Variants in GPATCH2 observed in about 807,000 individuals in gnomAD.
GPATCH2 encodes the protein G patch domain-containing protein 2.
Under a neutral mutation model 58.0 loss-of-function variants are expected in GPATCH2, and 51 were observed. The ratio of observed to expected loss-of-function variants is 0.88; its 90% confidence interval spans 0.70 to 1.11. GPATCH2 has a LOEUF of 1.11. Among genes scored for constraint, GPATCH2 ranks in the 50% most tolerant of loss-of-function variants. GPATCH2 has a pLI of 0.00. For missense variants in GPATCH2, 625 were observed against 652.2 expected (o/e 0.96, Z 0.45); for synonymous variants, 222 against 218.5 (o/e 1.02, Z -0.14).
intron 8 of GPATCH2, among the ~76,000 whole-genome samples, chr1:217,450,610 T>A (rs1435323287): frequency 6.6e-6 from 1 of 152,160 alleles, no homozygotes; most frequent in African/African-American, 2.4e-5. Context: ...AGTTTTCTTT[T>A]ACCTTTTTAT....
chr1:217,597,405 G>A (rs999475827), intron 5 of GPATCH2, among the ~76,000 whole-genome samples: 3 of 151,398 alleles, frequency 2.0e-5, no homozygotes, highest in South Asian at 2.1e-4. Flanking sequence ...GAGGCTGACC[G>A]CCCAGCTTCT....
intron 5 of GPATCH2, among the ~76,000 whole-genome samples, chr1:217,537,516 T>A (rs1287457482): frequency 6.6e-6 from 1 of 152,172 alleles, no homozygotes; most frequent in Non-Finnish European, 1.5e-5. Context: ...TCTAAAACCC[T>A]GTCTCTCCTA....
chr1:217,551,308 C>T (rs992060481), intron 5 of GPATCH2, among the ~76,000 whole-genome samples: 1 of 152,066 alleles, frequency 6.6e-6, no homozygotes, highest in African/African-American at 2.4e-5. Flanking sequence ...AATTCATTCT[C>T]ATTGTCATTT....
chr1:217,625,653 G>T (rs1050236870), intron 1 of GPATCH2, among the ~76,000 whole-genome samples: 1 of 152,178 alleles, frequency 6.6e-6, no homozygotes, highest in African/African-American at 2.4e-5. Flanking sequence ...AAGAGGATAT[G>T]CATGTGTGTC....
In GPATCH2 at chr1:217,567,891, C is replaced by T. The variant is rs1024083309; in HGVS notation, c.1098+42430G>A. On this transcript the variant is annotated intron_variant, in intron 5 of 9. Transcript: ENST00000366935. ...CAGCAATTTGGGAGGCCAAGGTGGG[C>T]GGATCACAAGGTCAGGAGATCGAGA... Among the ~76,000 whole-genome samples, 64 of 152,042 alleles carry T rather than the reference C, an allele frequency of 4.2e-4. 1 individual carries two copies. Among genetic ancestry groups the T allele is most frequent in the Admixed American group, 3.1e-3 (47 of 15,266 alleles).
At chr1:217,515,223 G>A (rs1387089021) in intron 5 of GPATCH2, among the ~76,000 whole-genome samples, 2 of 151,692 alleles carry the variant, frequency 1.3e-5, no homozygotes, top group African/African-American at 4.8e-5. Context: ...AGCCTCCCCA[G>A]TAGCTGGGAC....
chr1:217,598,822 A>T (rs1471319705), intron 5 of GPATCH2, among the ~76,000 whole-genome samples: 1 of 152,202 alleles, frequency 6.6e-6, no homozygotes, highest in African/African-American at 2.4e-5. Context: ...GAGCTACTGT[A>T]TGTGCTAACA....
At chr1:217,586,856 G>T (rs772121106) in intron 5 of GPATCH2, among the ~76,000 whole-genome samples, 1 of 152,130 alleles carries the variant, frequency 6.6e-6, no homozygotes, top group South Asian at 2.1e-4. Flanking sequence ...CACCATTGTA[G>T]AAACAGTTCA....
At chr1:217,618,707 TC>T (rs370503818) in intron 2 of GPATCH2, among the ~76,000 whole-genome samples, 72 of 152,092 alleles carry the variant, frequency 4.7e-4, no homozygotes, top group African/African-American at 1.7e-3. Context: ...ATTAAAATGA[TC>T]CCAGCCCTTG....
At chr1:217,557,320 C>T (rs942724757) in intron 5 of GPATCH2, among the ~76,000 whole-genome samples, 3 of 149,524 alleles carry the variant, frequency 2.0e-5, no homozygotes, top group African/African-American at 7.4e-5. Context: ...GGCAGGAATA[C>T]TGCTTAAACC....
At chr1:217,573,737 A>C (rs541309328) in intron 5 of GPATCH2, among the ~76,000 whole-genome samples, 2 of 152,314 alleles carry the variant, frequency 1.3e-5, no homozygotes, top group East Asian at 3.9e-4. Flanking sequence ...GTGACTGCTT[A>C]TGTTTTGAAC....
intron 5 of GPATCH2, among the ~76,000 whole-genome samples, chr1:217,580,549 C>T (rs1260157628): frequency 6.6e-6 from 1 of 152,138 alleles, no homozygotes; most frequent in Non-Finnish European, 1.5e-5. Context: ...GAGAACTGCT[C>T]ACCTCCTACT....
chr1:217,451,837 A>C (rs1283475930), intron 8 of GPATCH2, among the ~76,000 whole-genome samples: 4 of 152,196 alleles, frequency 2.6e-5, no homozygotes, highest in Non-Finnish European at 5.9e-5. Context: ...CAACTCATGA[A>C]CTAGCTACTT....
At chr1:217,542,307 C>T (rs1017019636) in intron 5 of GPATCH2, among the ~76,000 whole-genome samples, 8 of 152,154 alleles carry the variant, frequency 5.3e-5, no homozygotes, top group East Asian at 3.9e-4. Context: ...CGGTAGGAGA[C>T]GCAGTGACAC....
chr1:217,589,615 TA>T (rs150671303), intron 5 of GPATCH2, among the ~76,000 whole-genome samples: 2,836 of 152,324 alleles, frequency 0.019, 72 homozygotes, highest in East Asian at 0.1. Context: ...ATCTAGGTTT[TA>T]AAAATGGCTC....
At chr1:217,479,824 CT>C (rs1235911789) in intron 8 of GPATCH2, among the ~76,000 whole-genome samples, 2 of 151,972 alleles carry the variant, frequency 1.3e-5, no homozygotes, top group Non-Finnish European at 2.9e-5. Context: ...GAAAAAGATA[CT>C]CCATGCCAAT....
At chr1:217,439,159 A>G (rs756687445) in intron 9 of GPATCH2, among the ~76,000 whole-genome samples, 2 of 151,996 alleles carry the variant, frequency 1.3e-5, no homozygotes, top group Non-Finnish European at 2.9e-5. Context: ...AACGGAAATC[A>G]TAACAGTCTC....
At chr1:217,594,782 A>G (rs1163672273) in intron 5 of GPATCH2, among the ~76,000 whole-genome samples, 1 of 152,194 alleles carries the variant, frequency 6.6e-6, no homozygotes, top group African/African-American at 2.4e-5. Flanking sequence ...CTAAAAAGAA[A>G]GTGTTTGTGT....
chr1:217,588,923 A>G (rs1667465203), intron 5 of GPATCH2, among the ~76,000 whole-genome samples: 1 of 152,234 alleles, frequency 6.6e-6, no homozygotes, highest in South Asian at 2.1e-4. Context: ...CATGTAACTA[A>G]TAACAGTTAT....
Sources: allele counts gnomAD v4.1 joint callset (sites outside exome capture counted in the v4.1 genomes callset), GRCh38; gene constraint gnomAD v4.1.1; transcripts MANE v1.5; gene names NCBI Gene and HGNC (gene_info 2026-07-23, HGNC 2026-07-21).